Variants in IQSEC1 observed in about 807,000 individuals in gnomAD.
IQSEC1 encodes the protein IQ motif and SEC7 domain-containing protein 1.
In IQSEC1, 31 loss-of-function variants were observed where a neutral mutation model predicts 91.0. That is an observed-to-expected ratio of 0.34 (90% CI 0.26 to 0.46). The LOEUF (loss-of-function observed/expected upper bound fraction) is 0.46, where lower values mean the gene tolerates loss of function less well. Ranked by LOEUF, IQSEC1 falls within the 20% of genes least tolerant of loss-of-function variation. IQSEC1 has a pLI of 1.00. For synonymous variants in IQSEC1, 699 were observed against 662.6 expected (o/e 1.05, Z -0.84); for missense variants, 1,388 against 1,575.6 (o/e 0.88, Z 2.02).
intron 2 of IQSEC1, among the ~76,000 whole-genome samples, chr3:13,082,777 GC>G (rs1705667039): frequency 6.6e-6 from 1 of 152,086 alleles, no homozygotes; most frequent in Non-Finnish European, 1.5e-5. Context: ...CTGTGCGGAC[GC>G]CTCCCCCTGC....
At chr3:12,927,689 G>A (rs1697282721) in intron 3 of IQSEC1, among the ~76,000 whole-genome samples, 1 of 152,254 alleles carries the variant, frequency 6.6e-6, no homozygotes, top group Non-Finnish European at 1.5e-5. Context: ...GGGCTCTTCA[G>A]GATTAGGTGA....
intron 2 of IQSEC1, among the ~76,000 whole-genome samples, chr3:13,101,480 A>C (rs1004688673): frequency 6.6e-6 from 1 of 151,478 alleles, no homozygotes; most frequent in Non-Finnish European, 1.5e-5. Flanking sequence ...GAAAGGAAAC[A>C]AGGAGGTCTG....
chr3:13,089,252 T>A (rs771229808), intron 2 of IQSEC1, among the ~76,000 whole-genome samples: 6 of 152,286 alleles, frequency 3.9e-5, no homozygotes, highest in Non-Finnish European at 4.4e-5. Context: ...AACAATGCGA[T>A]CTGTCCATAC....
chr3:12,898,265 C>G lies in IQSEC1; in HGVS notation c.*2718G>C, dbSNP rs756812145. On this transcript the variant is annotated 3_prime_UTR_variant, in exon 14 of 14. Coordinates refer to ENST00000613206, the MANE Select transcript of IQSEC1 (RefSeq NM_001134382.3). ...AGCTCACTGGGAGCTTTTGCTTTCC[C>G]AAACAAGATGTGGGCAGCATGACTC... The G allele has an allele frequency of 1.3e-5, 2 of 152,368 alleles. No individual in the cohort carries two copies. Among genetic ancestry groups the G allele is most frequent in the Non-Finnish European group, 2.9e-5 (2 of 68,048 alleles). 9.4% of individuals were successfully genotyped at this position (152,368 alleles called of 1,614,324 possible). A position where few individuals can be genotyped will look rare whatever the true frequency, so the allele number is the denominator to read the frequency against.
intron 1 of IQSEC1, among the ~76,000 whole-genome samples, chr3:13,165,526 TG>T (rs1358522337): frequency 1.3e-4 from 3 of 22,472 alleles, no homozygotes; most frequent in South Asian, 2.0e-3. Context: ...GGGTGGGGGG[TG>T]GGGGGGTGGC....
intron 2 of IQSEC1, among the ~76,000 whole-genome samples, chr3:13,084,773 TA>T (rs1705707202): frequency 6.6e-6 from 1 of 152,194 alleles, no homozygotes; most frequent in Non-Finnish European, 1.5e-5. Flanking sequence ...TTGGCCGTAG[TA>T]ACCAAGATCT....
chr3:12,913,611 G>A (rs1052684491), intron 8 of IQSEC1, 58 bp from the exon 9 acceptor site: 6 of 1,551,632 alleles, frequency 3.9e-6, no homozygotes, highest in Non-Finnish European at 8.8e-7. Flanking sequence ...GGAGCCCTGG[G>A]GGCCGCAGTG....
Position 12,909,784 on chromosome 3 carries a change from C to G in IQSEC1, c.2417-350G>C, listed in dbSNP as rs576420267. On this transcript the variant is annotated intron_variant, in intron 10 of 13. Coordinates refer to ENST00000613206, the MANE Select transcript of IQSEC1 (RefSeq NM_001134382.3). This position sits in a 1 kb window ranked among gnomAD's most constrained non-coding sequence, Gnocchi z 4.9. Reference sequence around the variant, plus strand: ...GACAGCAGTGAGCGCCATATTCTCCCGAATGGCCTGTGGCCCACAGCTCCC... The same window carrying G: ...GACAGCAGTGAGCGCCATATTCTCCGGAATGGCCTGTGGCCCACAGCTCCC... 6.6e-6 allele frequency among the ~76,000 whole-genome samples: 1 copy of G among 152,220 alleles called. No individual in the cohort carries two copies. The highest frequency in any genetic ancestry group is 6.5e-5 in the Admixed American group (1 of 15,284).
intron 2 of IQSEC1, among the ~76,000 whole-genome samples, chr3:13,078,991 T>C (rs1705605242): frequency 6.6e-6 from 1 of 152,260 alleles, no homozygotes; most frequent in South Asian, 2.1e-4. Context: ...GCTAGTCACT[T>C]TCCTCCACCA....
chr3:12,981,872 G>T (rs1576106415), intron 1 of IQSEC1, among the ~76,000 whole-genome samples: 1 of 152,176 alleles, frequency 6.6e-6, no homozygotes, highest in African/African-American at 2.4e-5. Context: ...TTCCCCATCT[G>T]CACCCTGAGC....
chr3:12,900,014 C>T lies in IQSEC1; in HGVS notation c.*969G>A, dbSNP rs1369694077. 2.0e-6 allele frequency: 2 copies of T among 985,254 alleles called. No homozygotes were observed. The highest frequency in any genetic ancestry group is 2.4e-6 in the Non-Finnish European group (2 of 829,934). The allele number at this position is 985,254 out of a possible 1,614,324, so 61.0% of individuals were successfully genotyped here. On this transcript the variant is annotated 3_prime_UTR_variant, in exon 14 of 14. Transcript: ENST00000613206. ...ACAGTTATCGCAGCCATTAAAGTGTCTAAGAATCCGTGTAACCAATGTCCT... is the reference window on the plus strand; with the variant it reads ...ACAGTTATCGCAGCCATTAAAGTGTTTAAGAATCCGTGTAACCAATGTCCT...
At chr3:13,223,808 T>C (rs1694704237) in intron 1 of IQSEC1, among the ~76,000 whole-genome samples, 1 of 152,190 alleles carries the variant, frequency 6.6e-6, no homozygotes, top group African/African-American at 2.4e-5. Flanking sequence ...ATTTTCTAAA[T>C]GGACAGACTC....
At chr3:13,091,664 C>T (rs768410965) in intron 2 of IQSEC1, among the ~76,000 whole-genome samples, 1 of 152,236 alleles carries the variant, frequency 6.6e-6, no homozygotes, top group African/African-American at 2.4e-5. Context: ...TGTGCCTCAG[C>T]CTTGCCCCCG....
intron 2 of IQSEC1, among the ~76,000 whole-genome samples, chr3:13,100,238 C>T (rs1299026683): frequency 6.8e-6 from 1 of 147,826 alleles, no homozygotes; most frequent in East Asian, 1.9e-4. Flanking sequence ...CAGGTGCAGA[C>T]CATGGTCCTC....
chr3:13,022,328 C>T (rs1703437972), intron 1 of IQSEC1: 3 of 1,195,298 alleles, frequency 2.5e-6, no homozygotes, highest in Non-Finnish European at 3.1e-6. Flanking sequence ...CACCGGCCAG[C>T]CTCTGTGCCC....
intron 1 of IQSEC1, among the ~76,000 whole-genome samples, chr3:13,236,670 G>T (rs1488398106): frequency 1.3e-5 from 2 of 152,184 alleles, no homozygotes; most frequent in Non-Finnish European, 2.9e-5. Flanking sequence ...GCAGCCAGCT[G>T]GGTCCACAGA....
chr3:13,104,683 G>A (rs1425519915), intron 2 of IQSEC1, among the ~76,000 whole-genome samples: 18 of 152,146 alleles, frequency 1.2e-4, no homozygotes, highest in Admixed American at 1.0e-3. Context: ...TGCTCTCACG[G>A]GACCCCAGGT....
Position 12,972,281 on chromosome 3 carries a change from C to T in IQSEC1, c.24-30416G>A, listed in dbSNP as rs1423971017. 2.0e-5 allele frequency among the ~76,000 whole-genome samples: 3 copies of T among 152,008 alleles called. No homozygotes were observed. In the East Asian group the frequency reaches 5.8e-4, roughly 29 times the overall value. ...GAGCTGTTATTGTGCCACTGCACTC[C>T]TGCCTGGATGACAGACTGAGATCCT... is the stretch of plus-strand genomic sequence containing the variant. On this transcript the variant is annotated intron_variant, in intron 1 of 13. Coordinates refer to ENST00000613206, the MANE Select transcript of IQSEC1 (RefSeq NM_001134382.3).
At chr3:13,002,817 G>C (rs1576147500) in intron 1 of IQSEC1, among the ~76,000 whole-genome samples, 1 of 152,188 alleles carries the variant, frequency 6.6e-6, no homozygotes, top group Non-Finnish European at 1.5e-5. Context: ...GAAGCAAAAA[G>C]CCAGACAATA....
Sources: allele counts gnomAD v4.1 joint callset (sites outside exome capture counted in the v4.1 genomes callset), GRCh38; gene constraint gnomAD v4.1.1; non-coding constraint Gnocchi (gnomAD v3.1); transcripts MANE v1.5; gene names NCBI Gene and HGNC (gene_info 2026-07-23, HGNC 2026-07-21).